Variants in DDAH1 observed in about 807,000 individuals in gnomAD.
DDAH1 encodes dimethylarginine dimethylaminohydrolase 1, also known as N(G),N(G)-dimethylarginine dimethylaminohydrolase 1.
A neutral mutation model predicts 28.8 loss-of-function variants in DDAH1; 19 were observed. That is an observed-to-expected ratio of 0.66 (90% CI 0.46 to 0.97). The LOEUF is 0.97. Among genes scored for constraint, DDAH1 ranks in the 50% least tolerant of loss-of-function variants. DDAH1 has a pLI of 0.00. For missense variants in DDAH1, 326 were observed against 375.9 expected (o/e 0.87, Z 1.10); for synonymous variants, 153 against 154.4 (o/e 0.99, Z 0.07).
intron 1 of DDAH1, among the ~76,000 whole-genome samples, chr1:85,462,242 C>A (rs1432893782): frequency 1.8e-4 from 28 of 152,158 alleles, no homozygotes; most frequent in Admixed American, 1.8e-3. Flanking sequence ...AAGAACCTCG[C>A]TCGATCCATG....
intron 1 of DDAH1, among the ~76,000 whole-genome samples, chr1:85,443,677 T>C (rs1039300889): frequency 7.9e-5 from 12 of 152,314 alleles, no homozygotes; most frequent in Admixed American, 1.3e-4. Flanking sequence ...TGTTCTTCCA[T>C]TTGTTTATTC....
chr1:85,439,219 C>A (rs901367342), intron 1 of DDAH1, among the ~76,000 whole-genome samples: 1 of 152,210 alleles, frequency 6.6e-6, no homozygotes, highest in Non-Finnish European at 1.5e-5. Context: ...GATTACCAAG[C>A]ATCCTTCTGT....
intron 1 of DDAH1, among the ~76,000 whole-genome samples, chr1:85,577,734 C>T (rs964745479): frequency 2.6e-5 from 4 of 152,030 alleles, no homozygotes; most frequent in Non-Finnish European, 5.9e-5. Flanking sequence ...TCTCGGTTGC[C>T]GCCAGACAGT....
At chr1:85,322,732 G>A (rs1488682186) in intron 5 of DDAH1, among the ~76,000 whole-genome samples, 1 of 152,196 alleles carries the variant, frequency 6.6e-6, no homozygotes, top group Non-Finnish European at 1.5e-5. Flanking sequence ...TGGGATGCCT[G>A]GCACCCTGCC....
intron 1 of DDAH1, among the ~76,000 whole-genome samples, chr1:85,441,366 C>T (rs1364303296): frequency 6.6e-6 from 1 of 152,018 alleles, no homozygotes; most frequent in Non-Finnish European, 1.5e-5. Context: ...CATGGTGAAA[C>T]CCCGTCTCTA....
At chr1:85,461,839 G>A (rs1655136605) in intron 1 of DDAH1, among the ~76,000 whole-genome samples, 1 of 152,156 alleles carries the variant, frequency 6.6e-6, no homozygotes, top group Non-Finnish European at 1.5e-5. Context: ...TAGCGTTTTA[G>A]GAGCTCATAA....
Position 85,464,589 on chromosome 1 carries a change from GACACACACACAC to G in DDAH1, c.303+142_303+153del, listed in dbSNP as rs4001153. 2 of 1,375,328 alleles carry G rather than the reference GACACACACACAC, an allele frequency of 1.5e-6. No individual in the cohort carries two copies. The highest frequency in any genetic ancestry group is 4.5e-5 in the Admixed American group (2 of 44,848). The allele number at this position is 1,375,328 out of a possible 1,614,324, so 85.2% of individuals were successfully genotyped here. ...ACAATGAACTTCTCTCTGACTCTCT[GACACACACACAC>G]ACACACACACTCGCCCCCCGACGGG... On this transcript the variant is annotated intron_variant, in intron 1 of 5. Coordinates refer to ENST00000284031, the MANE Select transcript of DDAH1 (RefSeq NM_012137.4). This position sits in a 1 kb window ranked among gnomAD's most constrained non-coding sequence, Gnocchi z 4.4.
chr1:85,496,166 CTAA>C, exon 2 of DDAH1: 1 of 910,280 alleles, frequency 1.1e-6, no homozygotes, highest in Non-Finnish European at 1.3e-6. Context: ...TTTAACTTAC[CTAA>C]TATAAATTTA....
chr1:85,444,145 G>C (rs1198135820), intron 1 of DDAH1, among the ~76,000 whole-genome samples: 1 of 152,202 alleles, frequency 6.6e-6, no homozygotes, highest in Non-Finnish European at 1.5e-5. Flanking sequence ...GATATTGGCT[G>C]TGGTTTTGTC....
At chr1:85,497,665 G>A (rs61785164) in intron 1 of DDAH1, among the ~76,000 whole-genome samples, 2,750 of 152,212 alleles carry the variant, frequency 0.018, 42 homozygotes, top group Non-Finnish European at 0.027. Flanking sequence ...AAATGATTAG[G>A]AAGTACATAT....
intron 1 of DDAH1, among the ~76,000 whole-genome samples, chr1:85,386,231 A>G (rs542558461): frequency 2.4e-4 from 36 of 152,332 alleles, no homozygotes; most frequent in African/African-American, 8.7e-4. Flanking sequence ...GCATCAACTC[A>G]GAAGTCCAAA....
chr1:85,322,102 C>T (rs1661373235), intron 5 of DDAH1, among the ~76,000 whole-genome samples: 1 of 151,918 alleles, frequency 6.6e-6, no homozygotes, highest in African/African-American at 2.4e-5. Flanking sequence ...TTTTTATTTT[C>T]TGTGGAGACA....
At chr1:85,386,340 A>G (rs769471433) in intron 1 of DDAH1, among the ~76,000 whole-genome samples, 7 of 152,230 alleles carry the variant, frequency 4.6e-5, no homozygotes, top group African/African-American at 7.2e-5. Context: ...ATGTTTGTAC[A>G]GGCACTGGGT....
In DDAH1 at chr1:85,451,838, C is replaced by T. The variant is rs528971673; in HGVS notation, c.303+12905G>A. Among the ~76,000 whole-genome samples, 14 of 152,216 alleles carry T rather than the reference C, an allele frequency of 9.2e-5. No individual in the cohort carries two copies. In the East Asian group the frequency reaches 2.7e-3, roughly 29 times the overall value. ...AGAAATGAGACTGGAATCAATAGAA[C>T]AGAAAATGTACTAGGCTTTCATATG... On this transcript the variant is annotated intron_variant, in intron 1 of 5. Coordinates refer to ENST00000284031, the MANE Select transcript of DDAH1 (RefSeq NM_012137.4).
At chr1:85,327,669 G>A (rs1004651419) in intron 4 of DDAH1, among the ~76,000 whole-genome samples, 8 of 152,146 alleles carry the variant, frequency 5.3e-5, no homozygotes, top group Non-Finnish European at 8.8e-5. Flanking sequence ...CTAATTGTGT[G>A]ACTTTGGGAA....
chr1:85,572,232 T>G (rs1275172713), intron 1 of DDAH1, among the ~76,000 whole-genome samples: 1 of 152,152 alleles, frequency 6.6e-6, no homozygotes, highest in East Asian at 1.9e-4. Flanking sequence ...GTTTAACTTG[T>G]TTATTATCAG....
intron 1 of DDAH1, among the ~76,000 whole-genome samples, chr1:85,536,963 A>G (rs1025864606): frequency 2.7e-4 from 19 of 69,660 alleles, no homozygotes; most frequent in African/African-American, 8.4e-4. Context: ...ATATATATAT[A>G]TATATATATA....
chr1:85,570,469 C>T (rs139009889), intron 1 of DDAH1, among the ~76,000 whole-genome samples: 9 of 152,128 alleles, frequency 5.9e-5, no homozygotes, highest in East Asian at 3.9e-4. Context: ...TTCCAGGTTA[C>T]AGCATAGTAC....
At chr1:85,553,502 A>G (rs1658861921) in intron 1 of DDAH1, among the ~76,000 whole-genome samples, 1 of 152,228 alleles carries the variant, frequency 6.6e-6, no homozygotes, top group African/African-American at 2.4e-5. Flanking sequence ...GGTCCTAACT[A>G]TGAAGATGAG....
Sources: allele counts gnomAD v4.1 joint callset (sites outside exome capture counted in the v4.1 genomes callset), GRCh38; gene constraint gnomAD v4.1.1; non-coding constraint Gnocchi (gnomAD v3.1); transcripts MANE v1.5; gene names NCBI Gene and HGNC (gene_info 2026-07-23, HGNC 2026-07-21).